Variants in RBMS1 observed in about 807,000 individuals in gnomAD.
RBMS1 encodes the protein RNA binding motif single stranded interacting protein 1.
RBMS1 carries 17 observed loss-of-function variants against 62.3 expected under a neutral mutation model. That is an observed-to-expected ratio of 0.27 (90% CI 0.19 to 0.41). The LOEUF (loss-of-function observed/expected upper bound fraction) is 0.41. RBMS1 is among the 10% of genes least tolerant of loss of function. The pLI, the probability that RBMS1 is intolerant of heterozygous loss-of-function variation, is 1.00. For synonymous variants in RBMS1, 172 were observed against 170.0 expected (o/e 1.01, Z -0.09); for missense variants, 334 against 504.5 (o/e 0.66, Z 3.24).
intron 1 of RBMS1, among the ~76,000 whole-genome samples, chr2:160,442,171 A>AT (rs1276374656): frequency 1.3e-5 from 2 of 152,184 alleles, no homozygotes; most frequent in Admixed American, 6.5e-5. Flanking sequence ...CGATTTATCA[A>AT]TTTTTTGTTT....
At chr2:160,322,731 A>T (rs1046872419) in intron 2 of RBMS1, among the ~76,000 whole-genome samples, 1 of 152,196 alleles carries the variant, frequency 6.6e-6, no homozygotes, top group Non-Finnish European at 1.5e-5. Context: ...CCAGCACAAG[A>T]GGCTCCCATT....
chr2:160,480,454 A>G (rs369592270), intron 1 of RBMS1, among the ~76,000 whole-genome samples: 1 of 152,252 alleles, frequency 6.6e-6, no homozygotes, highest in Non-Finnish European at 1.5e-5. Flanking sequence ...ACCTATGCCA[A>G]CTACCATAAT....
chr2:160,389,796 A>G (rs1164127663), intron 1 of RBMS1, among the ~76,000 whole-genome samples: 2 of 148,464 alleles, frequency 1.3e-5, no homozygotes, highest in Non-Finnish European at 3.0e-5. Flanking sequence ...GAAAATTACT[A>G]GTTTTTTTTT....
At chr2:160,384,197 A>AAAAT (rs972561650) in intron 1 of RBMS1, among the ~76,000 whole-genome samples, 22 of 152,214 alleles carry the variant, frequency 1.4e-4, no homozygotes, top group African/African-American at 2.4e-4. Context: ...ACTCTGTCTC[A>AAAAT]AAATAAATAA....
intron 1 of RBMS1, among the ~76,000 whole-genome samples, chr2:160,422,223 T>C (rs1182168764): frequency 1.3e-5 from 2 of 152,242 alleles, no homozygotes; most frequent in East Asian, 1.9e-4. Flanking sequence ...CAGATAAATA[T>C]AGCATATAGC....
Position 160,277,345 on chromosome 2 carries a change from C to A in RBMS1, c.1101G>T (p.Leu367Phe). ...TCGTCTGCATATGTGCATACTGTGG[C>A]AAGTAGGCTCCTTGCATAGCTGACG... ...PATSAMQGAY[L>F]PQYAHMQTTA... is the part of the protein sequence containing the mutation. Residue 367 changes from leucine (L) to phenylalanine (F), a missense_variant, in exon 12 of 14, where the codon TTG (leucine) becomes TTT (phenylalanine). Physicochemically the swap from Leu to Phe is conservative, Grantham distance 22 (BLOSUM62 0). Coordinates refer to ENST00000348849, the MANE Select transcript of RBMS1 (RefSeq NM_016836.4). 3.1e-6 allele frequency: 5 copies of A among 1,613,632 alleles called. No individual in the cohort carries two copies. Among genetic ancestry groups the A allele is most frequent in the South Asian group, 1.1e-5 (1 of 91,056 alleles).
In RBMS1 at chr2:160,318,227, TCTAA is replaced by T; in HGVS notation, c.252-4_252-1del. ...CCTTTGTGGAGACTATTTTCCCATA[TCTAA>T]AAAAAAAAAAAAAAAAAAAAAGGAA... On this transcript the variant is annotated splice_acceptor_variant and splice_polypyrimidine_tract_variant and intron_variant, in intron 2 of 13. Coordinates refer to ENST00000348849, the MANE Select transcript of RBMS1 (RefSeq NM_016836.4). LOFTEE classifies it high-confidence loss of function. 2 of 933,580 alleles carry T rather than the reference TCTAA, an allele frequency of 2.1e-6. No homozygotes were observed. The highest frequency in any genetic ancestry group is 2.7e-6 in the Non-Finnish European group (2 of 729,142). The allele number at this position is 933,580 out of a possible 1,614,324, so 57.8% of individuals were successfully genotyped here.
chr2:160,382,703 C>A (rs983651753), intron 1 of RBMS1, among the ~76,000 whole-genome samples: 5 of 152,118 alleles, frequency 3.3e-5, no homozygotes, highest in Admixed American at 3.3e-4. Flanking sequence ...TCCAATCCTT[C>A]TAATTGATTT....
rs1237690285 is a variant in RBMS1, at chr2:160,424,686, T to C, written c.76-57295A>G. On this transcript the variant is annotated intron_variant, in intron 1 of 13. Coordinates refer to ENST00000348849, the MANE Select transcript of RBMS1 (RefSeq NM_016836.4). ...ATGATTAAAAAAATACATATTTGGG[T>C]CTTCTTATGACTACTGTCTATTCAC... is the stretch of plus-strand genomic sequence containing the variant. 2.0e-5 allele frequency among the ~76,000 whole-genome samples: 3 copies of C among 152,170 alleles called. No homozygotes were observed. In the East Asian group the frequency reaches 5.8e-4, roughly 29 times the overall value.
At chr2:160,424,370 G>T (rs6746839) in intron 1 of RBMS1, among the ~76,000 whole-genome samples, 48,333 of 148,686 alleles carry the variant, frequency 0.33, 9,083 homozygotes, top group East Asian at 0.64. Flanking sequence ...GAGATTGGGG[G>T]GGGGGGGAAA....
intron 1 of RBMS1, among the ~76,000 whole-genome samples, chr2:160,459,905 A>G (rs1684392952): frequency 6.6e-6 from 1 of 152,170 alleles, no homozygotes; most frequent in African/African-American, 2.4e-5. Context: ...ACTTCCTCTA[A>G]ACACCACTTA....
chr2:160,457,136 T>G (rs974755761), intron 1 of RBMS1, among the ~76,000 whole-genome samples: 6 of 151,818 alleles, frequency 4.0e-5, no homozygotes, highest in African/African-American at 1.4e-4. Context: ...AATTTATTTA[T>G]TTATTTATTT....
intron 1 of RBMS1, among the ~76,000 whole-genome samples, chr2:160,387,093 CTGTT>C (rs893686747): frequency 1.3e-5 from 2 of 152,172 alleles, no homozygotes; most frequent in African/African-American, 4.8e-5. Flanking sequence ...AGGACACTGT[CTGTT>C]TATCAAATTC....
chr2:160,484,384 A>G (rs1449032849), intron 1 of RBMS1, among the ~76,000 whole-genome samples: 1 of 150,610 alleles, frequency 6.6e-6, no homozygotes, highest in African/African-American at 2.4e-5. Context: ...AGTCCCAGCT[A>G]CTCGGGATGC....
At chr2:160,445,094 A>C (rs982997179) in intron 1 of RBMS1, among the ~76,000 whole-genome samples, 11 of 152,068 alleles carry the variant, frequency 7.2e-5, no homozygotes, top group Middle Eastern at 3.2e-3. Flanking sequence ...TCTAATTTTT[A>C]CTCCACCTAT....
intron 2 of RBMS1, among the ~76,000 whole-genome samples, chr2:160,348,359 T>TTA (rs966197808): frequency 1.6e-4 from 24 of 152,268 alleles, no homozygotes; most frequent in Admixed American, 1.4e-3. Flanking sequence ...ACATAAATGC[T>TTA]TATGTGCAGG....
chr2:160,311,637 G>C (rs1238718293), intron 4 of RBMS1, among the ~76,000 whole-genome samples: 1 of 150,742 alleles, frequency 6.6e-6, no homozygotes, highest in Admixed American at 6.7e-5. Flanking sequence ...TAAAAGTATT[G>C]CTCTTTTAAA....
At chr2:160,428,088 CT>C (rs1272859950) in intron 1 of RBMS1, among the ~76,000 whole-genome samples, 1 of 151,902 alleles carries the variant, frequency 6.6e-6, no homozygotes, top group Non-Finnish European at 1.5e-5. Flanking sequence ...TTTCCATGTA[CT>C]TCTGGAGCCT....
chr2:160,448,498 G>A (rs1193506031), intron 1 of RBMS1, among the ~76,000 whole-genome samples: 13 of 152,240 alleles, frequency 8.5e-5, no homozygotes, highest in Non-Finnish European at 1.5e-5. Flanking sequence ...GTTTCCCCGT[G>A]TTGGCCGGGC....
Sources: gnomAD v4.1 joint callset for allele counts (sites outside exome capture counted in the v4.1 genomes callset) on GRCh38, gnomAD v4.1.1 for gene constraint, MANE v1.5 for transcripts, NCBI Gene and HGNC (gene_info 2026-07-23, HGNC 2026-07-21) for gene names.